Variants in RPL38 observed in about 807,000 individuals in gnomAD.
RPL38 encodes ribosomal protein L38.
In RPL38, 2 loss-of-function variants were observed where a neutral mutation model predicts 12.8. The observed-to-expected ratio is 0.16, with a 90% CI of 0.06 to 0.49. RPL38 has a LOEUF of 0.49. RPL38 is among the 20% of genes least tolerant of loss of function. RPL38 has a pLI of 0.96. For synonymous variants in RPL38, 42 were observed against 30.1 expected (o/e 1.39, Z -1.29); for missense variants, 52 against 79.8 (o/e 0.65, Z 1.33).
chr17:74,204,403 C>T (rs1012196308), intron 3 of RPL38: 14 of 576,632 alleles, frequency 2.4e-5, no homozygotes, highest in South Asian at 1.0e-4. Context: ...TTTAGCTAAT[C>T]GCGATCATCT....
At position 74,203,736 on chromosome 17, in the gene RPL38, G is replaced by C. The variant is rs1224207653; in HGVS notation, c.-48G>C. ...GTGAGTGTCTCTAGGGTGATACGTG[G>C]GTGAGAAAGGTAATCTGGGGCAATC... is the stretch of plus-strand genomic sequence containing the variant. On this transcript the variant is annotated 5_prime_UTR_variant, in exon 1 of 5. Transcript: ENST00000311111. 1.6e-6 allele frequency: 1 copy of C among 606,094 alleles called. No individual in the cohort carries two copies. The highest frequency in any genetic ancestry group is 2.8e-5 in the East Asian group (1 of 36,128). The allele number at this position is 606,094 out of a possible 1,614,324, so 37.5% of individuals were successfully genotyped here. A position where few individuals can be genotyped will look rare whatever the true frequency, so the allele number is the denominator to read the frequency against.
chr17:74,210,118 G>C lies in RPL38; in HGVS notation c.*289G>C. 1 of 325,066 alleles carries C rather than the reference G, an allele frequency of 3.1e-6. No homozygotes were observed. The highest frequency in any genetic ancestry group is 6.2e-5 in the East Asian group (1 of 16,230). 20.1% of individuals were successfully genotyped at this position (325,066 alleles called of 1,614,324 possible). A position where few individuals can be genotyped will look rare whatever the true frequency, so the allele number is the denominator to read the frequency against. Reference sequence around the variant, plus strand: ...CTGTCCTGCCTCAGCCTCCCGAGTGGCTGGGATTACAGGCACACATCACCA... The same window carrying C: ...CTGTCCTGCCTCAGCCTCCCGAGTGCCTGGGATTACAGGCACACATCACCA... On this transcript the variant is annotated 3_prime_UTR_variant, in exon 5 of 5. Transcript: ENST00000311111.
Position 74,203,756 on chromosome 17 carries a change from G to T in RPL38, c.-39+11G>T. Reference sequence around the variant, plus strand: ...ACGTGGGTGAGAAAGGTAATCTGGGGCAATCCACTGCCAGGTGAAATCTGG... The same window carrying T: ...ACGTGGGTGAGAAAGGTAATCTGGGTCAATCCACTGCCAGGTGAAATCTGG... On this transcript the variant is annotated intron_variant, in intron 1 of 4. Coordinates refer to ENST00000311111, the MANE Select transcript of RPL38 (RefSeq NM_000999.4). 3.2e-6 allele frequency: 2 copies of T among 629,404 alleles called. No homozygotes were observed. The highest frequency in any genetic ancestry group is 5.6e-6 in the Non-Finnish European group (2 of 355,764). The allele number at this position is 629,404 out of a possible 1,614,324, so 39.0% of individuals were successfully genotyped here.
intron 2 of RPL38, 32 bp from the exon 3 acceptor site, chr17:74,204,098 C>T (rs890010379): frequency 3.7e-6 from 6 of 1,613,716 alleles, no homozygotes; most frequent in Middle Eastern, 1.6e-4. Context: ...TGTCTCTTTC[C>T]TCTCTGTTCA....
At chr17:74,206,352 T>A (rs1015344578) in intron 3 of RPL38, 1 of 152,156 alleles carries the variant, frequency 6.6e-6, no homozygotes, top group Non-Finnish European at 1.5e-5. Context: ...TAGGATTGCT[T>A]GAATCCAGGA....
At chr17:74,203,876 C>T (rs1002390720) in intron 1 of RPL38, 42 bp from the exon 2 acceptor site, 16 of 1,504,340 alleles carry the variant, frequency 1.1e-5, no homozygotes, top group African/African-American at 9.7e-5. Flanking sequence ...GGTTCGCTGC[C>T]AGCCCCCGCG....
Position 74,209,869 on chromosome 17 carries a change from T to C in RPL38, c.*40T>C, listed in dbSNP as rs1185471473. Reference sequence around the variant, plus strand: ...TTGGAACTGTATTATATTAAAATACTAAAAATCCTAAGTGTCTTTCGTCTT... The same window carrying C: ...TTGGAACTGTATTATATTAAAATACCAAAAATCCTAAGTGTCTTTCGTCTT... On this transcript the variant is annotated 3_prime_UTR_variant, in exon 5 of 5. Coordinates refer to ENST00000311111, the MANE Select transcript of RPL38 (RefSeq NM_000999.4). The C allele has an allele frequency of 1.7e-5, 26 of 1,539,466 alleles. No individual in the cohort carries two copies. The highest frequency in any genetic ancestry group is 2.3e-5 in the Non-Finnish European group (26 of 1,113,458).
intron 3 of RPL38, among the ~76,000 whole-genome samples, chr17:74,207,121 C>T (rs1010153639): frequency 1.3e-5 from 2 of 152,070 alleles, no homozygotes; most frequent in Non-Finnish European, 2.9e-5. Flanking sequence ...AAGTGATCCT[C>T]CCACCTTAGC....
At chr17:74,207,109 G>A (rs1228751309) in intron 3 of RPL38, among the ~76,000 whole-genome samples, 2 of 151,772 alleles carry the variant, frequency 1.3e-5, no homozygotes, top group East Asian at 1.9e-4. Flanking sequence ...TCTCCTGGGC[G>A]CAAGTGATCC....
At chr17:74,209,338 CGGGTGGG>C in intron 4 of RPL38, 29 bp downstream of exon 4, 1 of 1,609,240 alleles carries the variant, frequency 6.2e-7, no homozygotes, top group East Asian at 2.2e-5. Context: ...ACTTCAGGGG[CGGGTGGG>C]GTTTGGAAGG....
chr17:74,207,869 A>AG (rs1289343997), intron 3 of RPL38, among the ~76,000 whole-genome samples: 2 of 152,194 alleles, frequency 1.3e-5, no homozygotes, highest in Non-Finnish European at 2.9e-5. Context: ...TTCAGCTGCT[A>AG]GGGGCAGTGT....
chr17:74,206,435 C>G (rs912922522), intron 3 of RPL38, among the ~76,000 whole-genome samples: 1 of 152,132 alleles, frequency 6.6e-6, no homozygotes, highest in African/African-American at 2.4e-5. Flanking sequence ...TTGTACAGTT[C>G]AGTGGCATTC....
chr17:74,206,708 C>CTTTTTTTTTTTTTTTTT (rs35333460), intron 3 of RPL38, among the ~76,000 whole-genome samples: 71 of 101,582 alleles, frequency 7.0e-4, no homozygotes, highest in East Asian at 9.2e-4. Flanking sequence ...TTTTTTCTTT[C>CTTTTTTTTTTTTTTTTT]TTTTTTTTTT....
intron 3 of RPL38, among the ~76,000 whole-genome samples, chr17:74,206,603 A>G (rs1480830618): frequency 6.6e-6 from 1 of 151,722 alleles, no homozygotes; most frequent in Non-Finnish European, 1.5e-5. Flanking sequence ...ACTGCTCTGG[A>G]TACCCCATAC....
rs1316102964 is a variant in RPL38 at position 74,209,855 on chromosome 17, T to G, written c.*26T>G. ...ACCAGACACACTGATTGGAACTGTA[T>G]TATATTAAAATACTAAAAATCCTAA... On this transcript the variant is annotated 3_prime_UTR_variant, in exon 5 of 5. Transcript: ENST00000311111. 1.3e-6 allele frequency: 2 copies of G among 1,588,816 alleles called. No individual in the cohort carries two copies. Among genetic ancestry groups the G allele is most frequent in the Admixed American group, 1.7e-5 (1 of 59,798 alleles).
chr17:74,209,882 T>G lies in RPL38; in HGVS notation c.*53T>G. The G allele has an allele frequency of 6.7e-7, 1 of 1,499,268 alleles. No individual in the cohort carries two copies. The highest frequency in any genetic ancestry group is 1.7e-5 in the Admixed American group (1 of 59,584). 92.9% of individuals were successfully genotyped at this position (1,499,268 alleles called of 1,614,324 possible). On this transcript the variant is annotated 3_prime_UTR_variant, in exon 5 of 5. Coordinates refer to ENST00000311111, the MANE Select transcript of RPL38 (RefSeq NM_000999.4). ...ATATTAAAATACTAAAAATCCTAAG[T>G]GTCTTTCGTCTTTGCGGATGGGAAA...
rs115489851 is a variant in RPL38, at chr17:74,203,976, C to T, written c.3+18C>T. ...TCGCCATGGTGAGTACAGTCCCTGC[C>T]TGGCGCCTTCCCGGGGTGGGCTCGT... On this transcript the variant is annotated intron_variant, in intron 2 of 4. Coordinates refer to ENST00000311111, the MANE Select transcript of RPL38 (RefSeq NM_000999.4). The T allele has an allele frequency of 2.2e-3, 3,579 of 1,612,968 alleles. 58 individuals are homozygous for T. The African/African-American group carries it at 0.033, about 15-fold the overall frequency.
At chr17:74,204,321 T>G (rs2050090684) in intron 3 of RPL38, 131 bp downstream of exon 3, 1 of 750,634 alleles carries the variant, frequency 1.3e-6, no homozygotes, top group East Asian at 2.6e-5. Context: ...CTGGGAGCAG[T>G]GGTTTCATCC....
chr17:74,204,035 AG>A, intron 2 of RPL38, 77 bp downstream of exon 2: 2 of 1,612,422 alleles, frequency 1.2e-6, no homozygotes, highest in East Asian at 4.5e-5. Context: ...GAGCCTCCCA[AG>A]GATCTCCTGA....
Sources: allele counts gnomAD v4.1 joint callset (sites outside exome capture counted in the v4.1 genomes callset), GRCh38; gene constraint gnomAD v4.1.1; transcripts MANE v1.5; gene names NCBI Gene and HGNC (gene_info 2026-07-23, HGNC 2026-07-21).